IFFO1: variants seen among roughly 807,000 people sequenced by gnomAD.
IFFO1 encodes the protein intermediate filament family orphan 1, also known as non-homologous end joining factor IFFO1.
IFFO1 carries 42 observed loss-of-function variants against 59.6 expected under a neutral mutation model. That is an observed-to-expected ratio of 0.70 (90% CI 0.55 to 0.91). The LOEUF (loss-of-function observed/expected upper bound fraction) is 0.91, where lower values mean the gene tolerates loss of function less well. Among genes scored for constraint, IFFO1 ranks in the 40% least tolerant of loss-of-function variants. IFFO1 has a pLI of 0.00. For synonymous variants in IFFO1, 336 were observed against 342.8 expected, an observed-to-expected ratio of 0.98 and a Z score of 0.22; for missense variants, 711 against 793.2, an observed-to-expected ratio of 0.90 and a Z score of 1.24.
chr12:6,551,372 C>A, intron 1 of IFFO1: 1 of 1,276,764 alleles, frequency 7.8e-7, no homozygotes, highest in Non-Finnish European at 1.0e-6. Flanking sequence ...ACCAGACCAC[C>A]AGGTCCACCC....
At chr12:6,545,647 G>A (rs909539690) in intron 8 of IFFO1, among the ~76,000 whole-genome samples, 1 of 151,092 alleles carries the variant, frequency 6.6e-6, no homozygotes, top group African/African-American at 2.4e-5. Flanking sequence ...GCAGTGAGCC[G>A]AGTTCAAGCC....
At position 6,549,629 on chromosome 12, in the gene IFFO1, G is replaced by A. The variant is rs1011388979; in HGVS notation, c.1071+127C>T. 4.4e-5 allele frequency: 62 copies of A among 1,411,648 alleles called. No individual in the cohort carries two copies. Among genetic ancestry groups the A allele is most frequent in the East Asian group, 7.0e-5 (3 of 43,072 alleles). 87.4% of individuals were successfully genotyped at this position (1,411,648 alleles called of 1,614,324 possible). A position where few individuals can be genotyped will look rare whatever the true frequency, so the allele number is the denominator to read the frequency against. ...GCTCCTTACCCCCCAGTCTAGCCCC[G>A]TGAGGGCCCCAGTTGCCAGGTAAGG... On this transcript the variant is annotated intron_variant, in intron 4 of 9. Coordinates refer to ENST00000619571, the MANE Select transcript of IFFO1 (RefSeq NM_001193457.2). The surrounding 1 kb of genome is among the most constrained non-coding windows in gnomAD (Gnocchi z 5.0).
chr12:6,539,935 GC>G lies in IFFO1; in HGVS notation c.*547del, dbSNP rs368595448. On this transcript the variant is annotated 3_prime_UTR_variant, in exon 10 of 10. Coordinates refer to ENST00000619571, the MANE Select transcript of IFFO1 (RefSeq NM_001193457.2). ...TCCACCTGGCAGGTGGACAGCGTGA[GC>G]ACGTGGACCATAGCAGGGACAAGGT... 240 of 162,590 alleles carry G rather than the reference GC, an allele frequency of 1.5e-3. 2 individuals are homozygous for G. The highest frequency in any genetic ancestry group is 5.5e-3 in the African/African-American group (228 of 41,628). 10.1% of individuals were successfully genotyped at this position (162,590 alleles called of 1,614,324 possible).
Position 6,548,621 on chromosome 12 carries a change from G to C in IFFO1, c.1262+47C>G. 1 of 1,613,758 alleles carries C rather than the reference G, an allele frequency of 6.2e-7. No individual in the cohort carries two copies. The highest frequency in any genetic ancestry group is 1.1e-5 in the South Asian group (1 of 91,062). On this transcript the variant is annotated intron_variant, in intron 6 of 9. Transcript: ENST00000619571. The surrounding 1 kb of genome is among the most constrained non-coding windows in gnomAD (Gnocchi z 6.1). The stretch of plus-strand genomic sequence containing the variant: ...GGGGACTGGGGAGCTCCGGCCTCCT[G>C]GGCTGCTGTGGCGTCGGTGCTGCGG...
In IFFO1 at chr12:6,548,560, C is replaced by CCCGG; in HGVS notation, c.1263-19_1263-16dup. The CCCGG allele has an allele frequency of 6.2e-7, 1 of 1,613,538 alleles. No homozygotes were observed. The highest frequency in any genetic ancestry group is 8.5e-7 in the Non-Finnish European group (1 of 1,179,614). ...CATACTCCCTCCTAGAGACAGGGAA[C>CCCGG]CCGGGTGTCAGGGCGGGCGGGGCCT... On this transcript the variant is annotated splice_polypyrimidine_tract_variant and intron_variant, in intron 6 of 9. Transcript: ENST00000619571. The surrounding 1 kb of genome is among the most constrained non-coding windows in gnomAD (Gnocchi z 6.1).
chr12:6,551,119 G>T, intron 1 of IFFO1, 118 bp from the exon 2 acceptor site: 1 of 1,004,342 alleles, frequency 1.0e-6, no homozygotes, highest in Non-Finnish European at 1.5e-6. Flanking sequence ...TTCCCTGGAT[G>T]GGGAGGAGCA....
At chr12:6,552,836 G>A (rs1039374118) in intron 1 of IFFO1, among the ~76,000 whole-genome samples, 4 of 152,164 alleles carry the variant, frequency 2.6e-5, no homozygotes, top group African/African-American at 9.7e-5. Flanking sequence ...ACACAGACAG[G>A]TTCATTTTCA....
chr12:6,548,000 G>T, intron 8 of IFFO1, 65 bp downstream of exon 8: 2 of 1,199,272 alleles, frequency 1.7e-6, no homozygotes, highest in Non-Finnish European at 2.5e-6. Flanking sequence ...TGAGGCCACT[G>T]CGCCTGCAGC....
Position 6,547,822 on chromosome 12 carries a change from C to T in IFFO1, c.1479+243G>A, listed in dbSNP as rs570273001. Among the ~76,000 whole-genome samples the T allele has an allele frequency of 1.6e-4, 25 of 152,020 alleles. 1 individual carries two copies. The South Asian group carries it at 4.8e-3, about 29-fold the overall frequency. The stretch of plus-strand genomic sequence containing the variant: ...AAGGAAAGGAGGGGCTCAGAGGGAA[C>T]AAGTAACTTATTACAAGTTCAGGGT... On this transcript the variant is annotated intron_variant, in intron 8 of 9. Transcript: ENST00000619571.
In IFFO1 at chr12:6,540,348, A is replaced by C. The variant is rs1187021854; in HGVS notation, c.*135T>G. The C allele has an allele frequency of 1.4e-6, 1 of 737,814 alleles. No individual in the cohort carries two copies. The highest frequency in any genetic ancestry group is 1.7e-5 in the African/African-American group (1 of 57,728). 45.7% of individuals were successfully genotyped at this position (737,814 alleles called of 1,614,324 possible). On this transcript the variant is annotated 3_prime_UTR_variant, in exon 10 of 10. Transcript: ENST00000619571. ...AGCCAAGACTGAGGGAGAAAGCCTG[A>C]GGGAGGAGCGCCCCAGTCCCCAGGG...
rs758175385 is a variant in IFFO1 at position 6,548,028 on chromosome 12, G to A, written c.1479+37C>T. ...CCTGCAGCCCCACTCAAAACCCTCT[G>A]GGACACCACGCCCCTGGCTTCCGCT... On this transcript the variant is annotated intron_variant, in intron 8 of 9. Transcript: ENST00000619571. This position sits in a 1 kb window ranked among gnomAD's most constrained non-coding sequence, Gnocchi z 6.1. The A allele has an allele frequency of 1.6e-5, 24 of 1,515,708 alleles. No homozygotes were observed. The highest frequency in any genetic ancestry group is 1.3e-4 in the Admixed American group (8 of 59,870). The allele number at this position is 1,515,708 out of a possible 1,614,324, so 93.9% of individuals were successfully genotyped here. A position where few individuals can be genotyped will look rare whatever the true frequency, so the allele number is the denominator to read the frequency against.
intron 8 of IFFO1, among the ~76,000 whole-genome samples, chr12:6,542,126 C>A (rs1405712004): frequency 6.6e-6 from 1 of 152,168 alleles, no homozygotes; most frequent in Admixed American, 6.5e-5. Flanking sequence ...CTCTGTGACC[C>A]GTGGCATACA....
In IFFO1 at chr12:6,541,413, T is replaced by A; in HGVS notation, c.1610+99A>T. The A allele has an allele frequency of 6.8e-7, 1 of 1,476,624 alleles. No individual in the cohort carries two copies. 91.5% of individuals were successfully genotyped at this position (1,476,624 alleles called of 1,614,324 possible). On this transcript the variant is annotated intron_variant, in intron 9 of 9. Coordinates refer to ENST00000619571, the MANE Select transcript of IFFO1 (RefSeq NM_001193457.2). This position sits in a 1 kb window ranked among gnomAD's most constrained non-coding sequence, Gnocchi z 4.8. Reference sequence around the variant, plus strand: ...CCCAAAGGGCAGCCCCACAGCAAGATGTGACCCAGTCATTGCCTGAGGGTC... The same window carrying A: ...CCCAAAGGGCAGCCCCACAGCAAGAAGTGACCCAGTCATTGCCTGAGGGTC...
At chr12:6,551,630 C>T (rs768428084) in intron 1 of IFFO1, 1 of 486,750 alleles carries the variant, frequency 2.1e-6, no homozygotes, top group South Asian at 1.6e-5. Flanking sequence ...AGAGAGGTGA[C>T]CAGACTGGCT....
At chr12:6,551,575 T>A in intron 1 of IFFO1, 1 of 898,980 alleles carries the variant, frequency 1.1e-6, no homozygotes, top group Non-Finnish European at 1.6e-6. Context: ...CCTTCCCCAC[T>A]AGCTCCAGAA....
rs556436181 is a variant in IFFO1 at position 6,541,467 on chromosome 12, C to T, written c.1610+45G>A. The stretch of plus-strand genomic sequence containing the variant: ...GGGGCTGTGTTCCAACCTTTCTCCC[C>T]GCTGTGTCCCCCTGGAAGGCCCCAT... On this transcript the variant is annotated intron_variant, in intron 9 of 9. Coordinates refer to ENST00000619571, the MANE Select transcript of IFFO1 (RefSeq NM_001193457.2). This position sits in a 1 kb window ranked among gnomAD's most constrained non-coding sequence, Gnocchi z 4.8. 150 of 1,607,426 alleles carry T rather than the reference C, an allele frequency of 9.3e-5. No homozygotes were observed. The highest frequency in any genetic ancestry group is 1.1e-4 in the Non-Finnish European group (133 of 1,178,924).
chr12:6,539,664 T>C lies in IFFO1; in HGVS notation c.*819A>G, dbSNP rs965038353. ...AGGCTTTTCCAAGAATCAGGGACAC[T>C]GTAGCCTGTTGGTCTCAGTGTATGA... On this transcript the variant is annotated 3_prime_UTR_variant, in exon 10 of 10. Coordinates refer to ENST00000619571, the MANE Select transcript of IFFO1 (RefSeq NM_001193457.2). 6.6e-6 allele frequency: 1 copy of C among 152,272 alleles called. No homozygotes were observed. The highest frequency in any genetic ancestry group is 2.4e-5 in the African/African-American group (1 of 41,460). 9.4% of individuals were successfully genotyped at this position (152,272 alleles called of 1,614,324 possible).
In IFFO1 at chr12:6,551,648, CG is replaced by C. The variant is rs1402931083; in HGVS notation, c.774-648del. The C allele has an allele frequency of 6.5e-5, 28 of 433,144 alleles. 1 individual carries two copies. Among genetic ancestry groups the C allele is most frequent in the South Asian group, 4.3e-4 (26 of 60,006 alleles). 26.8% of individuals were successfully genotyped at this position (433,144 alleles called of 1,614,324 possible). On this transcript the variant is annotated intron_variant, in intron 1 of 9. Transcript: ENST00000619571. ...GAGGTGACCAGACTGGCTCAGAGGC[CG>C]GAAGTCCCACAGCAGCATGACAGCA... is the stretch of plus-strand genomic sequence containing the variant.
At position 6,549,607 on chromosome 12, in the gene IFFO1, C is replaced by G; in HGVS notation, c.1072-123G>C. Reference sequence around the variant, plus strand: ...CCACGATGCCCCTCCTGATGCTGCTCCTTACCCCCCAGTCTAGCCCCGTGA... The same window carrying G: ...CCACGATGCCCCTCCTGATGCTGCTGCTTACCCCCCAGTCTAGCCCCGTGA... On this transcript the variant is annotated intron_variant, in intron 4 of 9. Coordinates refer to ENST00000619571, the MANE Select transcript of IFFO1 (RefSeq NM_001193457.2). This position sits in a 1 kb window ranked among gnomAD's most constrained non-coding sequence, Gnocchi z 5.0. 1.5e-6 allele frequency: 2 copies of G among 1,346,630 alleles called. No individual in the cohort carries two copies. Among genetic ancestry groups the G allele is most frequent in the Non-Finnish European group, 2.1e-6 (2 of 950,400 alleles). 83.4% of individuals were successfully genotyped at this position (1,346,630 alleles called of 1,614,324 possible).
Sources: gnomAD v4.1 joint callset for allele counts (sites outside exome capture counted in the v4.1 genomes callset) on GRCh38, gnomAD v4.1.1 for gene constraint, Gnocchi (gnomAD v3.1) non-coding constraint, MANE v1.5 for transcripts, NCBI Gene and HGNC (gene_info 2026-07-23, HGNC 2026-07-21) for gene names.